CHSY3: variants seen among roughly 807,000 people sequenced by gnomAD.
CHSY3 encodes chondroitin sulfate synthase 3.
A neutral mutation model predicts 67.2 loss-of-function variants in CHSY3; 35 were observed. That is an observed-to-expected ratio of 0.52 (90% confidence interval 0.40 to 0.69). CHSY3 has a LOEUF of 0.69. Ranked by LOEUF, CHSY3 falls within the 30% of genes least tolerant of loss-of-function variation. The pLI is 0.00. For missense variants in CHSY3, 1,069 were observed against 1,138.5 expected (o/e 0.94, Z 0.88); for synonymous variants, 474 against 434.7 (o/e 1.09, Z -1.12).
chr5:130,057,926 CAG>C, intron 2 of CHSY3, among the ~76,000 whole-genome samples: 1 of 149,958 alleles, frequency 6.7e-6, no homozygotes, highest in East Asian at 1.9e-4. Flanking sequence ...GAGAGAGAGA[CAG>C]AGAGATACAG....
chr5:130,062,398 G>C (rs961199073), intron 2 of CHSY3, among the ~76,000 whole-genome samples: 2 of 152,112 alleles, frequency 1.3e-5, no homozygotes, highest in Non-Finnish European at 2.9e-5. Context: ...GACTCCAAAA[G>C]TGGAGAGGCT....
At chr5:130,111,528 C>A (rs2149704068) in intron 2 of CHSY3, among the ~76,000 whole-genome samples, 1 of 152,126 alleles carries the variant, frequency 6.6e-6, no homozygotes, top group African/African-American at 2.4e-5. Flanking sequence ...ATTTGTGTAA[C>A]AAAAGATCCC....
chr5:129,962,404 C>T (rs1762356935), intron 2 of CHSY3, among the ~76,000 whole-genome samples: 2 of 151,956 alleles, frequency 1.3e-5, no homozygotes, highest in Admixed American at 1.3e-4. Flanking sequence ...CCTCTTAACA[C>T]CCTCATCTAG....
intron 2 of CHSY3, among the ~76,000 whole-genome samples, chr5:130,169,001 C>A (rs370774481): frequency 1.3e-5 from 2 of 151,918 alleles, no homozygotes; most frequent in Non-Finnish European, 2.9e-5. Context: ...AATATAGCTG[C>A]GAGTAGGAGA....
chr5:130,010,365 A>G (rs899455874), intron 2 of CHSY3, among the ~76,000 whole-genome samples: 18 of 152,154 alleles, frequency 1.2e-4, no homozygotes, highest in African/African-American at 4.3e-4. Context: ...AAATTAAACA[A>G]CCTGTTCCTG....
intron 2 of CHSY3, among the ~76,000 whole-genome samples, chr5:130,149,576 C>T (rs1769175162): frequency 6.6e-6 from 1 of 152,188 alleles, no homozygotes; most frequent in East Asian, 1.9e-4. Context: ...CACTAGGCCC[C>T]ATCTCCAGCA....
chr5:129,984,944 A>G (rs1763135713), intron 2 of CHSY3, among the ~76,000 whole-genome samples: 1 of 152,072 alleles, frequency 6.6e-6, no homozygotes, highest in Non-Finnish European at 1.5e-5. Context: ...AATGCATAAT[A>G]TCCAAATAAT....
intron 2 of CHSY3, among the ~76,000 whole-genome samples, chr5:130,036,742 TA>T (rs1234886621): frequency 6.6e-6 from 1 of 152,156 alleles, no homozygotes; most frequent in Non-Finnish European, 1.5e-5. Context: ...AATAACTGAG[TA>T]AATGTGGTTT....
intron 2 of CHSY3, among the ~76,000 whole-genome samples, chr5:130,164,257 G>A (rs1336157591): frequency 6.6e-6 from 1 of 152,114 alleles, no homozygotes; most frequent in Non-Finnish European, 1.5e-5. Context: ...ATTCAAACTT[G>A]AGCCAGGGTC....
chr5:130,000,476 A>G (rs1763687809), intron 2 of CHSY3, among the ~76,000 whole-genome samples: 1 of 152,202 alleles, frequency 6.6e-6, no homozygotes, highest in Non-Finnish European at 1.5e-5. Flanking sequence ...ATATTCATAC[A>G]TACTATGTCT....
intron 2 of CHSY3, among the ~76,000 whole-genome samples, chr5:130,067,409 A>G (rs187911100): frequency 1.3e-5 from 2 of 152,284 alleles, no homozygotes; most frequent in Admixed American, 1.3e-4. Context: ...GTGCACTCAA[A>G]TATTTTCTAA....
At chr5:130,147,748 AGGAATGAGAGCGAGTAGG>A (rs1183008498) in intron 2 of CHSY3, among the ~76,000 whole-genome samples, 2 of 152,220 alleles carry the variant, frequency 1.3e-5, no homozygotes, top group African/African-American at 4.8e-5. Flanking sequence ...ATGGAAAAGC[AGGAATGAGAGCGAGTAGG>A]GGAATGAGAG....
intron 2 of CHSY3, among the ~76,000 whole-genome samples, chr5:129,974,630 C>T (rs1762743412): frequency 6.6e-6 from 1 of 152,068 alleles, no homozygotes; most frequent in South Asian, 2.1e-4. Flanking sequence ...AGAGGAACTT[C>T]ATGGCGCAGT....
intron 2 of CHSY3, among the ~76,000 whole-genome samples, chr5:130,024,642 A>C (rs1471345900): frequency 6.6e-6 from 1 of 152,114 alleles, no homozygotes; most frequent in Non-Finnish European, 1.5e-5. Context: ...ATGGAGAGTT[A>C]ATTTTCTTCT....
chr5:130,087,674 C>T lies in CHSY3; in HGVS notation c.1087-96555C>T, dbSNP rs189093237. 9.4e-3 allele frequency among the ~76,000 whole-genome samples: 1,433 copies of T among 152,048 alleles called. 20 individuals are homozygous for T. Among genetic ancestry groups the T allele is most frequent in the African/African-American group, 0.032 (1,343 of 41,442 alleles). ...CCAACTTACATGGGACGTGAAGGAC[C>T]TCTTCAAGGAGAACTACAAACCACT... On this transcript the variant is annotated intron_variant, in intron 2 of 2. Transcript: ENST00000305031.
intron 2 of CHSY3, among the ~76,000 whole-genome samples, chr5:130,053,125 T>C (rs557374885): frequency 6.6e-6 from 1 of 152,296 alleles, no homozygotes; most frequent in East Asian, 1.9e-4. Context: ...GGAACACTTC[T>C]AAATTGAATA....
At chr5:130,086,644 A>C (rs1766640399) in intron 2 of CHSY3, among the ~76,000 whole-genome samples, 1 of 152,138 alleles carries the variant, frequency 6.6e-6, no homozygotes, top group Admixed American at 6.6e-5. Flanking sequence ...CTCGACACAT[A>C]CACCCTCCCA....
intron 2 of CHSY3, among the ~76,000 whole-genome samples, chr5:130,049,999 T>C (rs377714900): frequency 3.9e-5 from 6 of 152,178 alleles, no homozygotes; most frequent in Non-Finnish European, 7.4e-5. Context: ...AGACTGTTTT[T>C]TCAACACTTT....
At chr5:130,093,668 C>A (rs1333081942) in intron 2 of CHSY3, among the ~76,000 whole-genome samples, 1 of 152,122 alleles carries the variant, frequency 6.6e-6, no homozygotes, top group Non-Finnish European at 1.5e-5. Context: ...GAATCACACA[C>A]AACTTGCCAG....
Sources: allele counts gnomAD v4.1 joint callset (sites outside exome capture counted in the v4.1 genomes callset), GRCh38; gene constraint gnomAD v4.1.1; transcripts MANE v1.5; gene names NCBI Gene and HGNC (gene_info 2026-07-23, HGNC 2026-07-21).